OTUD7B: variants seen among roughly 807,000 people sequenced by gnomAD.
OTUD7B encodes the protein OTU deubiquitinase 7B, also known as OTU domain-containing protein 7B.
In OTUD7B, 34 loss-of-function variants were observed where a neutral mutation model predicts 82.2. That is an observed-to-expected ratio of 0.41 (90% CI 0.31 to 0.55). The LOEUF is 0.55. Among genes scored for constraint, OTUD7B ranks in the 20% least tolerant of loss-of-function variants. OTUD7B has a pLI of 0.20. For synonymous variants in OTUD7B, 398 were observed against 402.7 expected, an observed-to-expected ratio of 0.99 and a Z score of 0.14; for missense variants, 944 against 1,062.1, an observed-to-expected ratio of 0.89 and a Z score of 1.55.
the OTUD7B span, among the ~76,000 whole-genome samples, chr1:150,031,959 TAA>T: frequency 6.6e-5 from 10 of 152,170 alleles, no homozygotes; most frequent in African/African-American, 2.4e-4. Flanking sequence ...ACACATACTT[TAA>T]AAAGTATTGG....
At chr1:149,976,611 A>C (rs1377457406) in intron 2 of OTUD7B, among the ~76,000 whole-genome samples, 562 of 644 alleles carry the variant, frequency 0.87, 281 homozygotes, top group Middle Eastern at 1. Flanking sequence ...AACTCCGTCT[A>C]CAAAAAAAAA....
At chr1:150,032,588 T>G in the OTUD7B span, among the ~76,000 whole-genome samples, 1 of 151,206 alleles carries the variant, frequency 6.6e-6, no homozygotes, top group South Asian at 2.1e-4. Flanking sequence ...TGAGACATGA[T>G]CTTGCCACTG....
chr1:149,958,930 T>C (rs587708139), intron 7 of OTUD7B, among the ~76,000 whole-genome samples: 10 of 150,582 alleles, frequency 6.6e-5, no homozygotes, highest in Non-Finnish European at 1.2e-4. Context: ...TTTTAAGATG[T>C]GGTCTCACTG....
intron 1 of OTUD7B, among the ~76,000 whole-genome samples, chr1:149,993,264 T>A (rs913321527): frequency 1.3e-5 from 2 of 152,234 alleles, no homozygotes; most frequent in African/African-American, 4.8e-5. Context: ...AGGCCCACCA[T>A]CAGTACAGTA....
intron 1 of OTUD7B, among the ~76,000 whole-genome samples, chr1:149,986,273 A>ACACG (rs1228786112): frequency 5.9e-5 from 9 of 151,304 alleles, no homozygotes; most frequent in African/African-American, 1.9e-4. Context: ...ACACACACAC[A>ACACG]GTACTGTTGA....
At chr1:150,006,167 T>C (rs1352870768) in intron 1 of OTUD7B, among the ~76,000 whole-genome samples, 2 of 152,166 alleles carry the variant, frequency 1.3e-5, no homozygotes, top group Non-Finnish European at 2.9e-5. Flanking sequence ...TAAAAAATAA[T>C]GTATTTTCGG....
At chr1:149,992,552 T>C (rs1210360669) in intron 1 of OTUD7B, among the ~76,000 whole-genome samples, 1 of 132,990 alleles carries the variant, frequency 7.5e-6, no homozygotes, top group Non-Finnish European at 1.6e-5. Context: ...CTCGGCTCAC[T>C]GCAAGCTCGG....
the OTUD7B span, among the ~76,000 whole-genome samples, chr1:150,065,849 G>GTTTTTTTTTTTTT: frequency 6.6e-5 from 10 of 151,632 alleles, no homozygotes; most frequent in African/African-American, 2.4e-4. Context: ...TGTTCAAAAT[G>GTTTTTTTTTTTTT]TTTATGTTCC....
the OTUD7B span, among the ~76,000 whole-genome samples, chr1:150,062,871 C>T: frequency 4.6e-5 from 7 of 151,670 alleles, no homozygotes; most frequent in East Asian, 5.9e-4. Flanking sequence ...TGCACCACCA[C>T]GCCCGGCTAA....
At chr1:149,985,059 C>T (rs2101884875) in intron 1 of OTUD7B, among the ~76,000 whole-genome samples, 1 of 152,290 alleles carries the variant, frequency 6.6e-6, no homozygotes, top group South Asian at 2.1e-4. Flanking sequence ...AGTATTACAT[C>T]CCACTGTTCT....
At chr1:149,946,762 G>GAAAA (rs1647785117) in intron 11 of OTUD7B, among the ~76,000 whole-genome samples, 2 of 131,112 alleles carry the variant, frequency 1.5e-5, no homozygotes. Flanking sequence ...AAAAAAAAAG[G>GAAAA]ACAGGAAAGG....
chr1:149,964,122 G>T, intron 6 of OTUD7B, 100 bp downstream of exon 6: 1 of 1,384,584 alleles, frequency 7.2e-7, no homozygotes, highest in Non-Finnish European at 1.0e-6. Context: ...GAGTCACACT[G>T]ACCTAAACAC....
Position 149,938,627 on chromosome 1 carries a change from G to A in OTUD7B, c.*5230C>T, listed in dbSNP as rs1031243260. 2 of 151,252 alleles carry A rather than the reference G, an allele frequency of 1.3e-5. No individual in the cohort carries two copies. The highest frequency in any genetic ancestry group is 2.4e-5 in the African/African-American group (1 of 41,044). The allele number at this position is 151,252 out of a possible 1,614,324, so 9.4% of individuals were successfully genotyped here. ...GAGGAACACGGAGAAAAAAAATCGG[G>A]GGGTAGGGGTGTGGTGGCTCATGCC... On this transcript the variant is annotated 3_prime_UTR_variant, in exon 12 of 12. Coordinates refer to ENST00000581312, the MANE Select transcript of OTUD7B (RefSeq NM_020205.4).
intron 1 of OTUD7B, among the ~76,000 whole-genome samples, chr1:150,003,077 C>T (rs1553785281): frequency 1.3e-5 from 2 of 151,978 alleles, no homozygotes; most frequent in South Asian, 2.1e-4. Context: ...GGTGAAACCC[C>T]GCCTCCACTA....
At chr1:150,040,294 T>G in the OTUD7B span, among the ~76,000 whole-genome samples, 3 of 152,340 alleles carry the variant, frequency 2.0e-5, no homozygotes, top group East Asian at 5.8e-4. Context: ...TCAAACCTAC[T>G]TGGTTAATTC....
chr1:149,946,376 T>A (rs1022619605), intron 11 of OTUD7B, among the ~76,000 whole-genome samples: 12 of 151,856 alleles, frequency 7.9e-5, no homozygotes, highest in Non-Finnish European at 7.4e-5. Context: ...AAAATATATA[T>A]ATGTTTTAGT....
In OTUD7B at chr1:149,986,858, A is replaced by T. The variant is rs142788739; in HGVS notation, c.-66-9282T>A. On this transcript the variant is annotated intron_variant, in intron 1 of 11. Coordinates refer to ENST00000581312, the MANE Select transcript of OTUD7B (RefSeq NM_020205.4). Reference sequence around the variant, plus strand: ...GTTTTTAGTTAATATGGGTCCTTCAAGTCAAAGAAACAAAATATAACCTTC... The same window carrying T: ...GTTTTTAGTTAATATGGGTCCTTCATGTCAAAGAAACAAAATATAACCTTC... Among the ~76,000 whole-genome samples, 51 of 152,358 alleles carry T rather than the reference A, an allele frequency of 3.3e-4. 1 individual carries two copies. The highest frequency in any genetic ancestry group is 1.2e-3 in the African/African-American group (48 of 41,586).
At chr1:149,991,940 A>T (rs1485990227) in intron 1 of OTUD7B, among the ~76,000 whole-genome samples, 2 of 152,204 alleles carry the variant, frequency 1.3e-5, no homozygotes, top group Non-Finnish European at 2.9e-5. Context: ...CTATAAAGTA[A>T]ATCATGGGGC....
At chr1:150,051,127 G>T in the OTUD7B span, among the ~76,000 whole-genome samples, 1 of 149,932 alleles carries the variant, frequency 6.7e-6, no homozygotes, top group African/African-American at 2.4e-5. Context: ...TACTCGGGTG[G>T]CTGAGGCAGG....
Sources: allele counts gnomAD v4.1 joint callset (sites outside exome capture counted in the v4.1 genomes callset), GRCh38; gene constraint gnomAD v4.1.1; transcripts MANE v1.5; gene names NCBI Gene and HGNC (gene_info 2026-07-23, HGNC 2026-07-21).